The following PCED1B variants were observed in gnomAD, a reference collection of about 807,000 sequenced individuals.
PCED1B encodes PC-esterase domain containing 1B.
For missense variants in PCED1B, 573 were observed against 573.9 expected, an observed-to-expected ratio of 1.00 and a Z score of 0.02; for synonymous variants, 251 against 246.1, an observed-to-expected ratio of 1.02 and a Z score of -0.19.
At chr12:47,231,688 C>A (rs1453296618) in intron 3 of PCED1B, among the ~76,000 whole-genome samples, 1 of 152,136 alleles carries the variant, frequency 6.6e-6, no homozygotes, top group Non-Finnish European at 1.5e-5. Flanking sequence ...GCACTTCACT[C>A]CCAGAGAAAG....
intron 2 of PCED1B, among the ~76,000 whole-genome samples, chr12:47,154,202 G>T (rs1332698952): frequency 2.6e-5 from 4 of 152,158 alleles, no homozygotes; most frequent in Admixed American, 2.6e-4. Flanking sequence ...AGAGTGACAT[G>T]GTAGGTCCTT....
At chr12:47,178,967 G>C (rs903883251) in intron 2 of PCED1B, among the ~76,000 whole-genome samples, 1 of 151,922 alleles carries the variant, frequency 6.6e-6, no homozygotes, top group Non-Finnish European at 1.5e-5. Context: ...GTATAAAAAT[G>C]CATTACTATT....
At chr12:47,213,726 C>G (rs1329469780) in intron 2 of PCED1B, among the ~76,000 whole-genome samples, 1 of 151,990 alleles carries the variant, frequency 6.6e-6, no homozygotes, top group Non-Finnish European at 1.5e-5. Context: ...TAAGAAAAAG[C>G]CAAGTTTGGT....
At chr12:47,131,599 G>A (rs1054596746) in intron 2 of PCED1B, among the ~76,000 whole-genome samples, 1 of 151,988 alleles carries the variant, frequency 6.6e-6, no homozygotes, top group African/African-American at 2.4e-5. Context: ...GGGTAGGAAA[G>A]GGTTTTCTCC....
chr12:47,175,820 C>T (rs149790586), intron 2 of PCED1B, among the ~76,000 whole-genome samples: 1,998 of 152,126 alleles, frequency 0.013, 53 homozygotes, highest in African/African-American at 0.045. Context: ...GATCTGCCTG[C>T]CTCAGCCTCC....
rs561296382 is a variant in PCED1B, at chr12:47,109,701, G to A, written c.-526+5506G>A. Among the ~76,000 whole-genome samples the A allele has an allele frequency of 7.2e-5, 11 of 152,172 alleles. No individual in the cohort carries two copies. In the East Asian group the frequency reaches 1.2e-3, roughly 16 times the overall value. ...AACATATTCATTGAAAACTAGTTATGTGCCAGGCCTGTGCAAGGAGAGAAG... is the reference window on the plus strand; with the variant it reads ...AACATATTCATTGAAAACTAGTTATATGCCAGGCCTGTGCAAGGAGAGAAG... On this transcript the variant is annotated intron_variant, in intron 2 of 3. Transcript: ENST00000546455.
chr12:47,118,314 A>G (rs777257265), intron 2 of PCED1B, among the ~76,000 whole-genome samples: 36 of 152,156 alleles, frequency 2.4e-4, no homozygotes, highest in Non-Finnish European at 2.5e-4. Context: ...TAGGGTTTTT[A>G]TGGTTATAAG....
chr12:47,206,839 C>A (rs1310952420), intron 2 of PCED1B, among the ~76,000 whole-genome samples: 1 of 152,148 alleles, frequency 6.6e-6, no homozygotes, highest in African/African-American at 2.4e-5. Context: ...TAGTTACAGA[C>A]ACTACCCTGT....
chr12:47,098,487 ATTTAT>A (rs1938571373), intron 1 of PCED1B, among the ~76,000 whole-genome samples: 1 of 151,448 alleles, frequency 6.6e-6, no homozygotes, highest in African/African-American at 2.5e-5. Flanking sequence ...TTATTAATTT[ATTTAT>A]TTTATTTATG....
At chr12:47,197,706 G>A (rs1942648632) in intron 2 of PCED1B, among the ~76,000 whole-genome samples, 1 of 151,596 alleles carries the variant, frequency 6.6e-6, no homozygotes, top group Admixed American at 6.6e-5. Flanking sequence ...AATGAAAAAG[G>A]GGCCATTGTT....
In PCED1B at chr12:47,235,050, G is replaced by A. The variant is rs1565619135; in HGVS notation, c.-14G>A. The A allele has an allele frequency of 6.6e-7, 1 of 1,521,224 alleles. No homozygotes were observed. Among genetic ancestry groups the A allele is most frequent in the African/African-American group, 1.4e-5 (1 of 71,766 alleles). 94.2% of individuals were successfully genotyped at this position (1,521,224 alleles called of 1,614,324 possible). A position where few individuals can be genotyped will look rare whatever the true frequency, so the allele number is the denominator to read the frequency against. On this transcript the variant is annotated 5_prime_UTR_variant, in exon 4 of 4. Transcript: ENST00000546455. ...TGTGCAAAGGAAGGAGCTAGGCTGT[G>A]CGCCCTGGGCGTCATGATCCTTCTG...
chr12:47,091,559 T>C (rs570985526), intron 1 of PCED1B, among the ~76,000 whole-genome samples: 1 of 152,282 alleles, frequency 6.6e-6, no homozygotes, highest in African/African-American at 2.4e-5. Flanking sequence ...GCCAAGTTTA[T>C]CACATTTTTT....
At chr12:47,231,722 T>G (rs771865426) in intron 3 of PCED1B, among the ~76,000 whole-genome samples, 1 of 152,092 alleles carries the variant, frequency 6.6e-6, no homozygotes, top group Non-Finnish European at 1.5e-5. Flanking sequence ...ATTCCAGAAG[T>G]AACACTGTAG....
At chr12:47,229,268 G>A (rs995511613) in intron 3 of PCED1B, among the ~76,000 whole-genome samples, 5 of 151,908 alleles carry the variant, frequency 3.3e-5, no homozygotes, top group African/African-American at 1.2e-4. Context: ...TAAAAACTTA[G>A]CTGGGCGTGG....
intron 1 of PCED1B, among the ~76,000 whole-genome samples, chr12:47,094,555 T>C (rs1339618180): frequency 6.6e-6 from 1 of 152,112 alleles, no homozygotes; most frequent in Non-Finnish European, 1.5e-5. Flanking sequence ...GATTTCATTC[T>C]AAAAACTTGC....
intron 2 of PCED1B, among the ~76,000 whole-genome samples, chr12:47,190,021 C>T (rs1460211589): frequency 6.6e-6 from 1 of 152,160 alleles, no homozygotes; most frequent in Non-Finnish European, 1.5e-5. Context: ...TGCTCAGACA[C>T]CTGCTTGAAG....
At chr12:47,208,635 A>T (rs965652976) in intron 2 of PCED1B, 2 of 152,050 alleles carry the variant, frequency 1.3e-5, no homozygotes, top group African/African-American at 2.4e-5. Flanking sequence ...TGGCCTCCCA[A>T]AGTACTGGGA....
Position 47,226,071 on chromosome 12 carries a change from A to G in PCED1B, c.-57-8936A>G, listed in dbSNP as rs560875547. Among the ~76,000 whole-genome samples the G allele has an allele frequency of 2.0e-5, 3 of 152,368 alleles. No individual in the cohort carries two copies. In the East Asian group the frequency reaches 5.8e-4, roughly 29 times the overall value. ...TAAACAAGATGCTGGAAAGTAATTT[A>G]TTGTGGCAGTAGACATTATTAATAC... On this transcript the variant is annotated intron_variant, in intron 3 of 3. Coordinates refer to ENST00000546455, the MANE Select transcript of PCED1B (RefSeq NM_138371.3).
rs553700735 is a variant in PCED1B at position 47,106,102 on chromosome 12, T to A, written c.-526+1907T>A. On this transcript the variant is annotated intron_variant, in intron 2 of 3. Transcript: ENST00000546455. ...CTCACCCACAGTCACCCAGCAGGTGTGTGACAGGTCCATTGCCAGAAGGTA... is the reference window on the plus strand; with the variant it reads ...CTCACCCACAGTCACCCAGCAGGTGAGTGACAGGTCCATTGCCAGAAGGTA... Among the ~76,000 whole-genome samples, 149 of 152,230 alleles carry A rather than the reference T, an allele frequency of 9.8e-4. 2 individuals carry two copies. The highest frequency in any genetic ancestry group is 3.4e-3 in the African/African-American group (142 of 41,544).
Sources: gnomAD v4.1 joint callset for allele counts (sites outside exome capture counted in the v4.1 genomes callset) on GRCh38, gnomAD v4.1.1 for gene constraint, MANE v1.5 for transcripts, NCBI Gene and HGNC (gene_info 2026-07-23, HGNC 2026-07-21) for gene names.